CDH18: variants seen among roughly 807,000 people sequenced by gnomAD.
CDH18 encodes the protein cadherin 18, also known as cadherin-18.
Under a neutral mutation model 67.9 loss-of-function variants are expected in CDH18, and 31 were observed. The ratio of observed to expected loss-of-function variants is 0.46; its 90% CI spans 0.34 to 0.62. CDH18 has a LOEUF of 0.62. Among genes scored for constraint, CDH18 ranks in the 20% least tolerant of loss-of-function variants. The pLI, the probability that CDH18 is intolerant of heterozygous loss-of-function variation, is 0.01. For synonymous variants in CDH18, 362 were observed against 347.2 expected (o/e 1.04, Z -0.48); for missense variants, 890 against 975.5 (o/e 0.91, Z 1.17).
intron 1 of CDH18, among the ~76,000 whole-genome samples, chr5:20,273,864 T>C (rs1456552487): frequency 6.6e-6 from 1 of 152,114 alleles, no homozygotes; most frequent in African/African-American, 2.4e-5. Flanking sequence ...CAGGTTAAAG[T>C]GTATCCTTTA....
At chr5:20,509,174 A>G (rs896317225) in intron 1 of CDH18, among the ~76,000 whole-genome samples, 6 of 152,136 alleles carry the variant, frequency 3.9e-5, no homozygotes, top group Non-Finnish European at 7.4e-5. Context: ...ATGTTGTACA[A>G]TAGATCTCTT....
chr5:20,372,701 C>A lies in CDH18; in HGVS notation c.-579-117196G>T, dbSNP rs537748284. Among the ~76,000 whole-genome samples, 268 of 152,202 alleles carry A rather than the reference C, an allele frequency of 1.8e-3. 1 individual carries two copies. The highest frequency in any genetic ancestry group is 5.9e-3 in the African/African-American group (246 of 41,546). ...GAGATATTATTTGTAAGCATGATAG[C>A]AAACATTAGTTGATCTCCACCTATT... On this transcript the variant is annotated intron_variant, in intron 1 of 14. Transcript: ENST00000507958.
intron 1 of CDH18, among the ~76,000 whole-genome samples, chr5:20,461,374 A>G (rs531525654): frequency 1.3e-5 from 2 of 152,102 alleles, no homozygotes; most frequent in African/African-American, 4.8e-5. Context: ...ATCTTCTTCA[A>G]CTACAACTAT....
intron 2 of CDH18, among the ~76,000 whole-genome samples, chr5:20,202,608 A>T (rs904286601): frequency 6.6e-6 from 1 of 152,018 alleles, no homozygotes; most frequent in African/African-American, 2.4e-5. Flanking sequence ...CAAATGAAAG[A>T]GTATTTTGTT....
chr5:19,501,273 G>C (rs1743193218), intron 11 of CDH18, among the ~76,000 whole-genome samples: 1 of 146,996 alleles, frequency 6.8e-6, no homozygotes, highest in Non-Finnish European at 1.5e-5. Flanking sequence ...ACAAATTCCA[G>C]CTATAACAAT....
intron 1 of CDH18, among the ~76,000 whole-genome samples, chr5:20,319,865 C>G (rs1328773562): frequency 6.6e-6 from 1 of 152,192 alleles, no homozygotes; most frequent in African/African-American, 2.4e-5. Context: ...AGCTCCGTCT[C>G]CCACTCCTGG....
At chr5:19,730,812 A>C (rs561074309) in intron 4 of CDH18, among the ~76,000 whole-genome samples, 39 of 152,074 alleles carry the variant, frequency 2.6e-4, no homozygotes, top group African/African-American at 9.1e-4. Context: ...AAAGTAATGC[A>C]TTTGTAGTAG....
intron 2 of CDH18, among the ~76,000 whole-genome samples, chr5:20,215,329 C>T (rs893365342): frequency 6.6e-6 from 1 of 151,862 alleles, no homozygotes; most frequent in Admixed American, 6.6e-5. Context: ...TTTCTGTCTA[C>T]ACGGACATAA....
At chr5:20,035,332 G>T (rs4482910) in intron 2 of CDH18, among the ~76,000 whole-genome samples, 144,334 of 152,110 alleles carry the variant, frequency 0.95, 68,941 homozygotes, top group East Asian at 1. Flanking sequence ...CCAGGTACTG[G>T]ACTGTAAGAA....
chr5:20,505,121 T>C (rs949948763), intron 1 of CDH18, among the ~76,000 whole-genome samples: 2 of 151,950 alleles, frequency 1.3e-5, no homozygotes, highest in Non-Finnish European at 2.9e-5. Context: ...CAATCTATTA[T>C]ATGGGGGAAA....
chr5:19,933,016 TA>T (rs1259217861), intron 2 of CDH18, among the ~76,000 whole-genome samples: 1 of 151,672 alleles, frequency 6.6e-6, no homozygotes, highest in Non-Finnish European at 1.5e-5. Context: ...TAATAATACC[TA>T]ATACCTTATA....
intron 2 of CDH18, among the ~76,000 whole-genome samples, chr5:20,127,083 T>A (rs77287184): frequency 0.046 from 6,943 of 152,218 alleles, 277 homozygotes; most frequent in African/African-American, 0.1. Context: ...CAATCCCCAA[T>A]GTGGAGAAGG....
intron 1 of CDH18, among the ~76,000 whole-genome samples, chr5:20,519,335 C>A: frequency 6.6e-6 from 1 of 151,966 alleles, no homozygotes; most frequent in South Asian, 2.1e-4. Flanking sequence ...ATGGATGAAA[C>A]TGGAAATCAT....
chr5:20,161,597 T>C (rs1017446374), intron 2 of CDH18, among the ~76,000 whole-genome samples: 1 of 152,224 alleles, frequency 6.6e-6, no homozygotes, highest in African/African-American at 2.4e-5. Context: ...TTTGTTCCTA[T>C]AAATAGAAGA....
intron 1 of CDH18, among the ~76,000 whole-genome samples, chr5:20,501,589 ATATATTATATATAT>A (rs1410739717): frequency 7.1e-5 from 1 of 14,040 alleles, no homozygotes; most frequent in African/African-American, 1.9e-4. Context: ...TATTATATAT[ATATATTATATATAT>A]ATATATATAT....
chr5:19,596,356 G>A (rs1451048900), intron 6 of CDH18, among the ~76,000 whole-genome samples: 2 of 152,146 alleles, frequency 1.3e-5, no homozygotes, highest in African/African-American at 4.8e-5. Flanking sequence ...AAAATGTATA[G>A]ACATATTACA....
At chr5:19,776,126 T>C (rs1158163465) in intron 3 of CDH18, among the ~76,000 whole-genome samples, 2 of 152,228 alleles carry the variant, frequency 1.3e-5, no homozygotes, top group East Asian at 3.9e-4. Flanking sequence ...AAATACTATC[T>C]TGGAATAATA....
intron 3 of CDH18, among the ~76,000 whole-genome samples, chr5:19,748,041 A>G (rs1462133325): frequency 1.5e-5 from 2 of 137,816 alleles, no homozygotes; most frequent in East Asian, 4.5e-4. Context: ...TGAACCTGGG[A>G]GGCGGAGCTT....
chr5:20,469,883 C>G (rs77463070), intron 1 of CDH18, among the ~76,000 whole-genome samples: 4,736 of 152,230 alleles, frequency 0.031, 231 homozygotes, highest in African/African-American at 0.11. Flanking sequence ...AGTTTCAATT[C>G]TCAGAGACAG....
Sources: gnomAD v4.1 joint callset for allele counts (sites outside exome capture counted in the v4.1 genomes callset) on GRCh38, gnomAD v4.1.1 for gene constraint, MANE v1.5 for transcripts, NCBI Gene and HGNC (gene_info 2026-07-23, HGNC 2026-07-21) for gene names.